Variants in IMMT observed in about 807,000 individuals in gnomAD.
IMMT encodes the protein MICOS complex subunit MIC60.
A neutral mutation model predicts 92.7 loss-of-function variants in IMMT; 40 were observed. The observed-to-expected ratio is 0.43, with a 90% CI of 0.34 to 0.56. IMMT has a LOEUF of 0.56. IMMT is among the 20% of genes least tolerant of loss of function. The probability of loss-of-function intolerance (pLI) is 0.03; values close to 1 mark genes in which losing one functional copy is unlikely to be tolerated. For synonymous variants in IMMT, 322 were observed against 336.1 expected, an observed-to-expected ratio of 0.96 and a Z score of 0.46; for missense variants, 831 against 912.1, an observed-to-expected ratio of 0.91 and a Z score of 1.14.
At chr2:86,173,564 G>C in intron 4 of IMMT, 86 bp downstream of exon 4, 1 of 786,238 alleles carries the variant, frequency 1.3e-6, no homozygotes, top group South Asian at 1.5e-5. Context: ...TAGGCAACAA[G>C]AGCGAAACTC....
At position 86,178,628 on chromosome 2, in the gene IMMT, A is replaced by G. The variant is rs926450116; in HGVS notation, c.309+805T>C. ...GCAACAGAGCAAGACTCCGTCTTGG[A>G]AAAAAAAAAAGAAAACTAACATACA... On this transcript the variant is annotated intron_variant, in intron 3 of 14. Transcript: ENST00000410111. Among the ~76,000 whole-genome samples, 8 of 148,140 alleles carry G rather than the reference A, an allele frequency of 5.4e-5. No homozygotes were observed. In the South Asian group the frequency reaches 6.4e-4, roughly 12 times the overall value.
intron 1 of IMMT, among the ~76,000 whole-genome samples, chr2:86,184,954 C>T (rs943860151): frequency 1.3e-5 from 2 of 151,992 alleles, no homozygotes; most frequent in South Asian, 2.1e-4. Flanking sequence ...TTTGGGAGGC[C>T]GAAGCGGGCG....
chr2:86,171,467 T>G, intron 4 of IMMT, 122 bp from the exon 5 acceptor site: 7 of 834,182 alleles, frequency 8.4e-6, no homozygotes, highest in African/African-American at 3.4e-5. Flanking sequence ...CAAATATTTG[T>G]ACTGCCACAT....
At chr2:86,186,708 G>A (rs1313419201) in intron 1 of IMMT, among the ~76,000 whole-genome samples, 1 of 152,188 alleles carries the variant, frequency 6.6e-6, no homozygotes, top group Non-Finnish European at 1.5e-5. Context: ...TGTAGACCTA[G>A]TAACTATCTG....
In IMMT at chr2:86,151,064, G is replaced by A. The variant is rs574712075; in HGVS notation, c.1401+233C>T. On this transcript the variant is annotated intron_variant, in intron 12 of 14. Transcript: ENST00000410111. ...TCCGAGTAGCTGGGATTACAGGTGC[G>A]AGCCACCACACCCAGCTAATTTTTG... Among the ~76,000 whole-genome samples, 22 of 151,996 alleles carry A rather than the reference G, an allele frequency of 1.4e-4. No homozygotes were observed. The South Asian group carries it at 4.2e-3, about 29-fold the overall frequency.
At chr2:86,151,196 G>A in intron 12 of IMMT, 101 bp downstream of exon 12, 2 of 1,015,420 alleles carry the variant, frequency 2.0e-6, no homozygotes, top group Non-Finnish European at 3.0e-6. Flanking sequence ...GCGATTACAG[G>A]CATGAACCAC....
chr2:86,184,496 A>G (rs1347770069), intron 1 of IMMT, among the ~76,000 whole-genome samples: 3 of 152,090 alleles, frequency 2.0e-5, no homozygotes, highest in African/African-American at 7.2e-5. Context: ...TATTGTTAAT[A>G]TAATAATTAT....
chr2:86,191,544 T>C (rs1391218274), intron 1 of IMMT, among the ~76,000 whole-genome samples: 2 of 151,980 alleles, frequency 1.3e-5, no homozygotes, highest in African/African-American at 4.8e-5. Flanking sequence ...AGGTCTCCAG[T>C]CTGCCAAACC....
chr2:86,179,589 A>C lies in IMMT; in HGVS notation c.153T>G (p.Leu51=). 1.2e-6 allele frequency: 2 copies of C among 1,600,388 alleles called. No individual in the cohort carries two copies. Among genetic ancestry groups the C allele is most frequent in the South Asian group, 2.3e-5 (2 of 87,520 alleles). The change falls in exon 3 of 15, where the codon CTT becomes CTG. Residue 51 remains leucine, a synonymous_variant. Transcript: ENST00000410111. ...LTTGKIAGAG[L]LFVGGGIGGT... ...CACCAATACCTCCACCAACAAACAA[A>C]AGGCCAGCTCCAGCAATTTTGCCAG...
chr2:86,166,471 G>T, intron 7 of IMMT, 37 bp downstream of exon 7: 1 of 1,556,906 alleles, frequency 6.4e-7, no homozygotes, highest in South Asian at 1.2e-5. Flanking sequence ...TCCAAGTCAT[G>T]ACAGCCAGAA....
At chr2:86,157,900 C>T (rs1367837409) in intron 10 of IMMT, among the ~76,000 whole-genome samples, 1 of 151,532 alleles carries the variant, frequency 6.6e-6, no homozygotes, top group African/African-American at 2.4e-5. Context: ...ATCGCTTCAA[C>T]CCGGGAGGTG....
At chr2:86,159,092 AT>A (rs764807615) in intron 9 of IMMT, among the ~76,000 whole-genome samples, 1,868 of 145,940 alleles carry the variant, frequency 0.013, 41 homozygotes, top group African/African-American at 0.042. Flanking sequence ...AAAAAAAAAA[AT>A]TTTTTTTTTT....
intron 11 of IMMT, among the ~76,000 whole-genome samples, chr2:86,152,456 AAAG>A (rs1675529953): frequency 6.6e-6 from 1 of 150,946 alleles, no homozygotes. Context: ...AAAAAAAAAA[AAAG>A]AGAGAATTAT....
chr2:86,144,715 T>C lies in IMMT; in HGVS notation c.1830A>G (p.Gln610=), dbSNP rs749200353. 1.2e-6 allele frequency: 2 copies of C among 1,613,970 alleles called. No individual in the cohort carries two copies. The highest frequency in any genetic ancestry group is 1.7e-6 in the Non-Finnish European group (2 of 1,179,908). ...CTGGAGGGATAGCTGCGGTTAAAGC[T>C]TGGGTGAATTCATTATCAGAACAGT... The part of the protein sequence containing the change: ...KANCSDNEFT[Q]ALTAAIPPES... Residue 610 remains glutamine (Q), a synonymous_variant, in exon 15 of 15, where the codon CAA becomes CAG. Coordinates refer to ENST00000410111, the MANE Select transcript of IMMT (RefSeq NM_006839.3).
intron 3 of IMMT, among the ~76,000 whole-genome samples, chr2:86,178,196 T>C (rs1677566135): frequency 6.6e-6 from 1 of 151,424 alleles, no homozygotes; most frequent in Non-Finnish European, 1.5e-5. Flanking sequence ...TGAGCGCCTG[T>C]AGGCCCAGCT....
chr2:86,195,419 C>T lies in IMMT; in HGVS notation c.-37G>A. On this transcript the variant is annotated 5_prime_UTR_variant, in exon 1 of 15. Coordinates refer to ENST00000410111, the MANE Select transcript of IMMT (RefSeq NM_006839.3). Reference sequence around the variant, plus strand: ...GGACGGCGCTGCTGGTGGACTCGAGCTGCCGCGGCGGCGCGAGTTAAGTGG... The same window carrying T: ...GGACGGCGCTGCTGGTGGACTCGAGTTGCCGCGGCGGCGCGAGTTAAGTGG... The T allele has an allele frequency of 1.3e-6, 2 of 1,542,916 alleles. No homozygotes were observed. The highest frequency in any genetic ancestry group is 2.8e-5 in the African/African-American group (2 of 72,512).
chr2:86,195,318 C>G lies in IMMT; in HGVS notation c.45+20G>C. On this transcript the variant is annotated intron_variant, in intron 1 of 14. Coordinates refer to ENST00000410111, the MANE Select transcript of IMMT (RefSeq NM_006839.3). ...TCTAGTTCAGCCTCCTCACGCGCCTCCGGGAGCCCCAGTGCTCACCTGGGC... is the reference window on the plus strand; with the variant it reads ...TCTAGTTCAGCCTCCTCACGCGCCTGCGGGAGCCCCAGTGCTCACCTGGGC... 6.5e-7 allele frequency: 1 copy of G among 1,535,122 alleles called. No individual in the cohort carries two copies. The highest frequency in any genetic ancestry group is 8.8e-7 in the Non-Finnish European group (1 of 1,138,886).
chr2:86,153,890 C>G (rs1321012894), intron 10 of IMMT, among the ~76,000 whole-genome samples: 2 of 152,144 alleles, frequency 1.3e-5, no homozygotes, highest in East Asian at 3.9e-4. Context: ...TGAGACAGAG[C>G]CTTCCTCTGT....
At chr2:86,187,624 G>A (rs13394650) in intron 1 of IMMT, among the ~76,000 whole-genome samples, 6,539 of 152,184 alleles carry the variant, frequency 0.043, 496 homozygotes, top group African/African-American at 0.15. Context: ...AAATTACTGA[G>A]ACACAGCCAG....
Sources: gnomAD v4.1 joint callset for allele counts (sites outside exome capture counted in the v4.1 genomes callset) on GRCh38, gnomAD v4.1.1 for gene constraint, MANE v1.5 for transcripts, NCBI Gene and HGNC (gene_info 2026-07-23, HGNC 2026-07-21) for gene names.